FNIP1: variants seen among roughly 807,000 people sequenced by gnomAD.
FNIP1 encodes the protein folliculin-interacting protein 1.
Under a neutral mutation model 124.5 loss-of-function variants are expected in FNIP1, and 40 were observed. The ratio of observed to expected loss-of-function variants is 0.32; its 90% CI spans 0.25 to 0.42. The LOEUF (loss-of-function observed/expected upper bound fraction) is 0.42. FNIP1 is among the 10% of genes least tolerant of loss of function. The pLI is 1.00. For synonymous variants in FNIP1, 472 were observed against 470.6 expected (o/e 1.00, Z -0.04); for missense variants, 1,176 against 1,403.7 (o/e 0.84, Z 2.59).
At chr5:131,676,250 T>A (rs1029392188) in intron 13 of FNIP1, among the ~76,000 whole-genome samples, 6 of 152,098 alleles carry the variant, frequency 3.9e-5, no homozygotes, top group Non-Finnish European at 8.8e-5. Flanking sequence ...CCTGCCCTCA[T>A]GATCCGCCTG....
At chr5:131,696,419 TAA>T (rs151236670) in intron 11 of FNIP1, among the ~76,000 whole-genome samples, 2,825 of 152,150 alleles carry the variant, frequency 0.019, 92 homozygotes, top group African/African-American at 0.064. Context: ...AATTCAGATA[TAA>T]AGAGTGAAGA....
intron 15 of FNIP1, among the ~76,000 whole-genome samples, chr5:131,661,498 A>C (rs1017101319): frequency 6.6e-6 from 1 of 152,164 alleles, no homozygotes; most frequent in East Asian, 1.9e-4. Context: ...TTGAGCCTTG[A>C]TAAGTCAGTA....
intron 11 of FNIP1, among the ~76,000 whole-genome samples, chr5:131,680,575 T>G (rs1472416423): frequency 6.6e-6 from 1 of 152,066 alleles, no homozygotes; most frequent in African/African-American, 2.4e-5. Context: ...AGGCCCCAAA[T>G]GAACACCACC....
chr5:131,701,220 C>T (rs911609687), intron 10 of FNIP1, among the ~76,000 whole-genome samples: 1 of 152,168 alleles, frequency 6.6e-6, no homozygotes, highest in Non-Finnish European at 1.5e-5. Context: ...GGCAACTCCC[C>T]ACCTCCCCAG....
intron 15 of FNIP1, among the ~76,000 whole-genome samples, chr5:131,668,304 T>G (rs1767658810): frequency 6.6e-6 from 1 of 152,248 alleles, no homozygotes; most frequent in South Asian, 2.1e-4. Context: ...AACAGCATAC[T>G]TCTAAATAAC....
rs138658303 is a variant in FNIP1, at chr5:131,739,326, C to T, written c.219+5238G>A. Among the ~76,000 whole-genome samples, 480 of 152,178 alleles carry T rather than the reference C, an allele frequency of 3.2e-3. 3 individuals are homozygous for T. Among genetic ancestry groups the T allele is most frequent in the African/African-American group, 0.011 (455 of 41,510 alleles). On this transcript the variant is annotated intron_variant, in intron 2 of 17. Transcript: ENST00000510461. Reference sequence around the variant, plus strand: ...GACCAGCCTGGATAAAACAGTAAGACGCCATCTTTAAAATAATAATAATAG... The same window carrying T: ...GACCAGCCTGGATAAAACAGTAAGATGCCATCTTTAAAATAATAATAATAG...
chr5:131,711,291 C>T (rs1003339670), intron 6 of FNIP1, among the ~76,000 whole-genome samples: 2 of 152,324 alleles, frequency 1.3e-5, no homozygotes, highest in Middle Eastern at 3.4e-3. Context: ...AGACTCCCAG[C>T]TGTTCAAGAG....
At chr5:131,780,706 A>T (rs1430683182) in intron 1 of FNIP1, among the ~76,000 whole-genome samples, 1 of 152,174 alleles carries the variant, frequency 6.6e-6, no homozygotes, top group African/African-American at 2.4e-5. Context: ...CCCATATAAG[A>T]CAGCAAACTT....
At chr5:131,743,069 C>G (rs775369954) in intron 2 of FNIP1, among the ~76,000 whole-genome samples, 1 of 151,680 alleles carries the variant, frequency 6.6e-6, no homozygotes, top group Non-Finnish European at 1.5e-5. Flanking sequence ...ATATAGAAGG[C>G]TATGAATATG....
At chr5:131,691,650 A>G (rs1221718860) in intron 11 of FNIP1, among the ~76,000 whole-genome samples, 1 of 152,226 alleles carries the variant, frequency 6.6e-6, no homozygotes, top group Non-Finnish European at 1.5e-5. Context: ...GGGTATCACT[A>G]TAGATACTAT....
chr5:131,666,259 G>A (rs1265135157), intron 15 of FNIP1, among the ~76,000 whole-genome samples: 1 of 152,128 alleles, frequency 6.6e-6, no homozygotes, highest in Non-Finnish European at 1.5e-5. Context: ...ACTTGTCAGT[G>A]CTGAGATTGA....
intron 17 of FNIP1, 75 bp downstream of exon 17, chr5:131,647,015 G>T: frequency 7.7e-7 from 1 of 1,290,452 alleles, no homozygotes; most frequent in South Asian, 1.2e-5. Flanking sequence ...AAGGAAAAAG[G>T]GCAATTCTGA....
At chr5:131,693,315 T>C (rs1207268833) in intron 11 of FNIP1, among the ~76,000 whole-genome samples, 14 of 19,094 alleles carry the variant, frequency 7.3e-4, no homozygotes, top group Admixed American at 3.8e-3. Context: ...TATATATATA[T>C]ACACATATAT....
chr5:131,739,738 A>C (rs1490973472), intron 2 of FNIP1, among the ~76,000 whole-genome samples: 1 of 144,046 alleles, frequency 6.9e-6, no homozygotes, highest in East Asian at 2.1e-4. Context: ...GCGTGAACCC[A>C]GGAGGCGGAG....
chr5:131,765,339 T>C (rs1399463336), intron 1 of FNIP1, among the ~76,000 whole-genome samples: 2 of 152,214 alleles, frequency 1.3e-5, no homozygotes, highest in South Asian at 2.1e-4. Flanking sequence ...CATGGGTTTA[T>C]AGATTCAGCT....
chr5:131,772,798 G>A (rs1291665542), intron 1 of FNIP1, among the ~76,000 whole-genome samples: 1 of 152,108 alleles, frequency 6.6e-6, no homozygotes, highest in Non-Finnish European at 1.5e-5. Flanking sequence ...TCTCTAACCT[G>A]TAATAACTGC....
intron 3 of FNIP1, among the ~76,000 whole-genome samples, chr5:131,728,739 T>A (rs1769976627): frequency 6.6e-6 from 1 of 152,176 alleles, no homozygotes; most frequent in Non-Finnish European, 1.5e-5. Flanking sequence ...CAAGGTGTTG[T>A]GATCCTTTGG....
intron 16 of FNIP1, among the ~76,000 whole-genome samples, chr5:131,649,788 C>G (rs1766992497): frequency 6.6e-6 from 1 of 152,200 alleles, no homozygotes; most frequent in African/African-American, 2.4e-5. Flanking sequence ...GCTCTTAAAT[C>G]TTTGATCCAT....
intron 16 of FNIP1, among the ~76,000 whole-genome samples, chr5:131,648,127 C>T (rs530991144): frequency 9.8e-4 from 136 of 138,994 alleles, no homozygotes; most frequent in African/African-American, 3.6e-3. Flanking sequence ...GCCAGGAGTT[C>T]GAGATCAGCC....
Sources: allele counts gnomAD v4.1 joint callset (sites outside exome capture counted in the v4.1 genomes callset), GRCh38; gene constraint gnomAD v4.1.1; transcripts MANE v1.5; gene names NCBI Gene and HGNC (gene_info 2026-07-23, HGNC 2026-07-21).